The following WASHC2A variants were observed in gnomAD, a reference collection of about 807,000 sequenced individuals.
The protein encoded by WASHC2A is WASH complex subunit FAM21A.
WASHC2A carries 82 observed loss-of-function variants against 140.3 expected under a neutral mutation model. The ratio of observed to expected loss-of-function variants is 0.58; its 90% CI spans 0.49 to 0.70. The LOEUF (loss-of-function observed/expected upper bound fraction) is 0.70, where lower values mean the gene tolerates loss of function less well. Among genes scored for constraint, WASHC2A ranks in the 30% least tolerant of loss-of-function variants. The probability of loss-of-function intolerance (pLI) is 0.00; values close to 1 mark genes in which losing one functional copy is unlikely to be tolerated. For synonymous variants in WASHC2A, 340 were observed against 560.8 expected (o/e 0.61, Z 5.56); for missense variants, 985 against 1,521.8 (o/e 0.65, Z 5.87).
intron 20 of WASHC2A, among the ~76,000 whole-genome samples, chr10:50,113,155 G>A (rs1236714596): frequency 1.3e-5 from 2 of 151,168 alleles, no homozygotes; most frequent in African/African-American, 4.9e-5. Flanking sequence ...ATCTCTTGAG[G>A]CCAGGTGTTT....
At chr10:50,132,613 C>T (rs1395147596) in intron 30 of WASHC2A, among the ~76,000 whole-genome samples, 193 bp from the exon 31 acceptor site, 2 of 152,104 alleles carry the variant, frequency 1.3e-5, no homozygotes, top group Non-Finnish European at 2.9e-5. Flanking sequence ...CAAGAGAAAC[C>T]TGTGTGTGAT....
rs1204225784 is a variant in WASHC2A at position 50,132,806 on chromosome 10, A to T, written c.3887A>T (p.Asp1296Val). Residue 1296 changes from aspartate to valine, a missense_variant and splice_region_variant, in exon 31 of 31, where the codon GAT becomes GTT. By Grantham distance (152) the Asp-to-Val change is radical (BLOSUM62 -3). Coordinates refer to ENST00000282633, the MANE Select transcript of WASHC2A (RefSeq NM_001005751.3). ...EAKSIFDDDMDDIFSSGIQAK... is the reference protein window; with the variant it reads ...EAKSIFDDDMVDIFSSGIQAK... The stretch of plus-strand genomic sequence containing the variant: ...CCGTTCTTCTTTTTTCTTTCTAAAG[A>T]TGACATCTTCTCCTCTGGTATCCAG... 2 of 1,611,812 alleles carry T rather than the reference A, an allele frequency of 1.2e-6. No homozygotes were observed. The highest frequency in any genetic ancestry group is 2.2e-5 in the South Asian group (2 of 90,986).
intron 3 of WASHC2A, among the ~76,000 whole-genome samples, chr10:50,077,072 G>C (rs1480220482): frequency 6.8e-6 from 1 of 147,844 alleles, no homozygotes; most frequent in East Asian, 2.0e-4. Context: ...AGCCGAGATC[G>C]CACCACTGCA....
chr10:50,101,358 G>A (rs1382483830), intron 17 of WASHC2A, among the ~76,000 whole-genome samples: 4 of 152,312 alleles, frequency 2.6e-5, no homozygotes, highest in Admixed American at 6.5e-5. Context: ...CGATTTCTCT[G>A]TGAGGCCTCC....
chr10:50,092,622 A>G lies in WASHC2A; in HGVS notation c.1003+389A>G, dbSNP rs1294200314. ...CAGTGAGCCTTGATCGCGCCACTGC[A>G]TTCCAGCCCAGGTGATGGTGTGAGA... On this transcript the variant is annotated intron_variant, in intron 11 of 30. Transcript: ENST00000282633. 7.4e-4 allele frequency among the ~76,000 whole-genome samples: 113 copies of G among 152,172 alleles called. No homozygotes were observed. The Middle Eastern group carries it at 0.01, about 14-fold the overall frequency.
intron 3 of WASHC2A, among the ~76,000 whole-genome samples, chr10:50,078,338 C>T (rs1838554794): frequency 6.6e-6 from 1 of 152,214 alleles, no homozygotes; most frequent in Non-Finnish European, 1.5e-5. Flanking sequence ...AATACTGTAT[C>T]ATTGCCCATC....
At chr10:50,112,085 G>A (rs1297075543) in intron 20 of WASHC2A, 11 of 985,108 alleles carry the variant, frequency 1.1e-5, no homozygotes, top group African/African-American at 1.7e-5. Context: ...GTAGGGAGTC[G>A]AGGGCGGTCA....
chr10:50,089,452 ATAG>A (rs1189994917), intron 8 of WASHC2A, among the ~76,000 whole-genome samples: 1 of 151,304 alleles, frequency 6.6e-6, no homozygotes, highest in African/African-American at 2.4e-5. Context: ...TTAATTATAC[ATAG>A]TAGTGTGTAC....
intron 17 of WASHC2A, among the ~76,000 whole-genome samples, chr10:50,103,408 A>C (rs1554887516): frequency 2.0e-5 from 3 of 151,980 alleles, no homozygotes; most frequent in African/African-American, 7.3e-5. Flanking sequence ...AAATACAAAA[A>C]AATTAGCCAG....
At chr10:50,090,592 A>G (rs1162694885) in intron 8 of WASHC2A, among the ~76,000 whole-genome samples, 184 bp from the exon 9 acceptor site, 3 of 144,680 alleles carry the variant, frequency 2.1e-5, no homozygotes, top group Non-Finnish European at 3.0e-5. Context: ...TTTTTCTTAG[A>G]TTCAAAGTAA....
At chr10:50,105,275 G>A (rs1554888146) in intron 18 of WASHC2A, among the ~76,000 whole-genome samples, 1 of 151,298 alleles carries the variant, frequency 6.6e-6, no homozygotes, top group African/African-American at 2.4e-5. Context: ...CTCTCATGCA[G>A]TACTGGGCGG....
intron 3 of WASHC2A, among the ~76,000 whole-genome samples, chr10:50,075,776 G>A (rs1276222000): frequency 2.6e-5 from 4 of 152,068 alleles, no homozygotes; most frequent in Admixed American, 2.6e-4. Context: ...CTGTTTGCCA[G>A]TATCATAATC....
At chr10:50,125,493 T>G (rs1843350135) in intron 25 of WASHC2A, 44 bp downstream of exon 25, 1 of 1,610,590 alleles carries the variant, frequency 6.2e-7, no homozygotes, top group African/African-American at 1.3e-5. Flanking sequence ...TGGGAAAGAT[T>G]CTGGGAAAGG....
rs797028547 is a variant in WASHC2A, at chr10:50,116,312, A to G, written c.2143-1594A>G. Among the ~76,000 whole-genome samples, 6 of 57,518 alleles carry G rather than the reference A, an allele frequency of 1.0e-4. 3 individuals are homozygous for G. Among genetic ancestry groups the G allele is most frequent in the Non-Finnish European group, 2.0e-4 (6 of 29,838 alleles). 37.7% of individuals were successfully genotyped at this position (57,518 alleles called of 152,430 possible). On this transcript the variant is annotated intron_variant, in intron 21 of 30. Coordinates refer to ENST00000282633, the MANE Select transcript of WASHC2A (RefSeq NM_001005751.3). ...CCCTATCAACTATTTGCATTGAATT[A>G]TTATTATTTTTTTTTTTTTTTGAGA...
At chr10:50,090,240 G>T (rs1323385819) in intron 8 of WASHC2A, among the ~76,000 whole-genome samples, 1 of 150,212 alleles carries the variant, frequency 6.7e-6, no homozygotes, top group Non-Finnish European at 1.5e-5. Flanking sequence ...GGTGGCTCAC[G>T]CCTGTAATCC....
Position 50,125,400 on chromosome 10 carries a change from G to C in WASHC2A, c.2639G>C (p.Gly880Ala). ...GAGCCAAGTGTTGGGAGCCTGTTTG[G>C]GGATGATGAAGATGATGATCTTTTC... Reference protein sequence around the residue: ...LLEPSVGSLFGDDEDDDLFSS... With the variant: ...LLEPSVGSLFADDEDDDLFSS... Residue 880 changes from glycine to alanine, a missense_variant, in exon 25 of 31, where the codon GGG (glycine) becomes GCG (alanine). Transcript: ENST00000282633. 6.2e-7 allele frequency: 1 copy of C among 1,608,458 alleles called. No individual in the cohort carries two copies. Among genetic ancestry groups the C allele is most frequent in the Non-Finnish European group, 8.5e-7 (1 of 1,177,700 alleles).
chr10:50,106,764 G>A (rs1306194255), intron 19 of WASHC2A, among the ~76,000 whole-genome samples: 1 of 127,798 alleles, frequency 7.8e-6, no homozygotes, highest in Non-Finnish European at 1.8e-5. Context: ...TCATGGTCGA[G>A]TCCCTTAGAA....
At chr10:50,099,609 G>T (rs1341780452) in intron 16 of WASHC2A, among the ~76,000 whole-genome samples, 2 of 142,168 alleles carry the variant, frequency 1.4e-5, no homozygotes, top group Admixed American at 1.4e-4. Context: ...CTACAGTTTT[G>T]TCTCTTTGTG....
Position 50,115,837 on chromosome 10 carries a change from C to T in WASHC2A, c.2142+1840C>T, listed in dbSNP as rs1842625798. Among the ~76,000 whole-genome samples the T allele has an allele frequency of 8.6e-5, 13 of 151,352 alleles. No homozygotes were observed. The South Asian group carries it at 2.6e-3, about 30-fold the overall frequency. ...CACCTATCAAGAAAGTAAATTTGACCAGGCGTGGTGGCTCACGCCTGTAAT... is the reference window on the plus strand; with the variant it reads ...CACCTATCAAGAAAGTAAATTTGACTAGGCGTGGTGGCTCACGCCTGTAAT... On this transcript the variant is annotated intron_variant, in intron 21 of 30. Transcript: ENST00000282633.
Sources: gnomAD v4.1 joint callset for allele counts (sites outside exome capture counted in the v4.1 genomes callset) on GRCh38, gnomAD v4.1.1 for gene constraint, MANE v1.5 for transcripts, NCBI Gene and HGNC (gene_info 2026-07-23, HGNC 2026-07-21) for gene names.